Variants in CFAP20DC observed in about 807,000 individuals in gnomAD.
The protein encoded by CFAP20DC is protein CFAP20DC.
CFAP20DC carries 84 observed loss-of-function variants against 101.7 expected under a neutral mutation model. The ratio of observed to expected loss-of-function variants is 0.83; its 90% CI spans 0.69 to 0.99. The LOEUF (loss-of-function observed/expected upper bound fraction) is 0.99. CFAP20DC is among the 50% of genes least tolerant of loss of function. CFAP20DC has a pLI of 0.00. For missense variants in CFAP20DC, 1,007 were observed against 970.3 expected (o/e 1.04, Z -0.50); for synonymous variants, 359 against 351.2 (o/e 1.02, Z -0.25).
chr3:58,845,162 C>A (rs2077509017), intron 13 of CFAP20DC, among the ~76,000 whole-genome samples: 1 of 151,000 alleles, frequency 6.6e-6, no homozygotes, highest in African/African-American at 2.4e-5. Flanking sequence ...TAACTAAAAT[C>A]AGAGCAGAAC....
intron 3 of CFAP20DC, among the ~76,000 whole-genome samples, chr3:58,735,821 T>C (rs754385135): frequency 6.6e-6 from 1 of 152,200 alleles, no homozygotes; most frequent in Non-Finnish European, 1.5e-5. Context: ...CAAACAGTGA[T>C]GTCCCTTATA....
intron 15 of CFAP20DC, among the ~76,000 whole-genome samples, chr3:58,781,785 G>A: frequency 6.6e-6 from 1 of 152,038 alleles, no homozygotes; most frequent in Admixed American, 6.6e-5. Flanking sequence ...GACTGAATCA[G>A]TAATAAAAAG....
chr3:58,769,678 C>T (rs1214926413), intron 15 of CFAP20DC, among the ~76,000 whole-genome samples: 1 of 152,108 alleles, frequency 6.6e-6, no homozygotes, highest in South Asian at 2.1e-4. Context: ...TTACGCTTGC[C>T]AGACATGTCT....
At chr3:58,954,201 G>A (rs2090421227) in intron 4 of CFAP20DC, among the ~76,000 whole-genome samples, 1 of 152,034 alleles carries the variant, frequency 6.6e-6, no homozygotes, top group South Asian at 2.1e-4. Context: ...TTCCACAATG[G>A]CAGCTCCATG....
At chr3:58,885,407 C>G (rs1392169603) in intron 6 of CFAP20DC, among the ~76,000 whole-genome samples, 1 of 152,046 alleles carries the variant, frequency 6.6e-6, no homozygotes, top group Non-Finnish European at 1.5e-5. Flanking sequence ...TTTACATACA[C>G]ATAATATATG....
rs370937950 is a variant in CFAP20DC at position 59,002,023 on chromosome 3, C to T, written c.278+37534G>A. On this transcript the variant is annotated intron_variant, in intron 4 of 16. Coordinates refer to ENST00000482387, the MANE Select transcript of CFAP20DC (RefSeq NM_001394063.1). The surrounding 1 kb of genome is among the most constrained non-coding windows in gnomAD (Gnocchi z 4.5). ...TAATACCGGGTATATACTAAAATGC[C>T]GTGTGGTTGGCCACCATCTTAATCG... is the stretch of plus-strand genomic sequence containing the variant. Among the ~76,000 whole-genome samples, 3 of 152,068 alleles carry T rather than the reference C, an allele frequency of 2.0e-5. No homozygotes were observed. The highest frequency in any genetic ancestry group is 2.1e-4 in the South Asian group (1 of 4,826).
At chr3:58,780,712 G>A (rs1370910256) in intron 15 of CFAP20DC, among the ~76,000 whole-genome samples, 1 of 151,892 alleles carries the variant, frequency 6.6e-6, no homozygotes, top group Admixed American at 6.6e-5. Context: ...ATTATGTAAT[G>A]ACAAAAGTAA....
intron 4 of CFAP20DC, among the ~76,000 whole-genome samples, chr3:58,949,901 G>C (rs1336019809): frequency 6.6e-6 from 1 of 152,112 alleles, no homozygotes; most frequent in Non-Finnish European, 1.5e-5. Flanking sequence ...ATTCAACATA[G>C]TGTTGGAAGT....
At chr3:58,856,661 G>C (rs1346744034) in intron 12 of CFAP20DC, among the ~76,000 whole-genome samples, 3 of 152,202 alleles carry the variant, frequency 2.0e-5, no homozygotes, top group African/African-American at 7.2e-5. Context: ...CTAGGTAATA[G>C]AGTGGTGACT....
chr3:59,009,842 A>T (rs548417036), intron 4 of CFAP20DC, among the ~76,000 whole-genome samples: 2 of 152,300 alleles, frequency 1.3e-5, no homozygotes, highest in East Asian at 3.9e-4. Context: ...GGTAATCTAT[A>T]AAGGAAAACC....
chr3:58,985,778 T>C (rs1388257437), intron 4 of CFAP20DC, among the ~76,000 whole-genome samples: 2 of 152,234 alleles, frequency 1.3e-5, no homozygotes, highest in East Asian at 1.9e-4. Context: ...AGCAATTATA[T>C]ATACTTCTGT....
At chr3:58,961,257 A>C (rs541229730) in intron 4 of CFAP20DC, among the ~76,000 whole-genome samples, 4 of 152,308 alleles carry the variant, frequency 2.6e-5, no homozygotes. Context: ...CTCATAATGA[A>C]TAAAACTGTG....
chr3:58,753,702 A>G, intron 16 of CFAP20DC, 67 bp downstream of exon 16: 1 of 1,062,132 alleles, frequency 9.4e-7, no homozygotes, highest in Non-Finnish European at 1.4e-6. Context: ...TCTCAAAGTG[A>G]TGGATTCTCT....
intron 15 of CFAP20DC, among the ~76,000 whole-genome samples, chr3:58,775,130 A>T (rs747818737): frequency 6.6e-6 from 1 of 152,196 alleles, no homozygotes; most frequent in African/African-American, 2.4e-5. Context: ...GGTTTTATAC[A>T]TTTTAAGGAG....
intron 13 of CFAP20DC, among the ~76,000 whole-genome samples, chr3:58,835,513 G>A (rs1366627791): frequency 1.3e-5 from 2 of 152,186 alleles, no homozygotes; most frequent in African/African-American, 2.4e-5. Flanking sequence ...AATTTATTCT[G>A]TAGAAACTTA....
At chr3:58,841,626 A>C (rs932432364) in intron 13 of CFAP20DC, among the ~76,000 whole-genome samples, 2 of 152,226 alleles carry the variant, frequency 1.3e-5, no homozygotes, top group Non-Finnish European at 2.9e-5. Flanking sequence ...CTATGGCCTA[A>C]AATATATTCA....
intron 12 of CFAP20DC, among the ~76,000 whole-genome samples, chr3:58,860,632 G>A (rs1045382083): frequency 4.6e-5 from 7 of 152,260 alleles, no homozygotes; most frequent in South Asian, 4.1e-4. Flanking sequence ...ATTTCTAGGT[G>A]AAAACTTGAA....
intron 4 of CFAP20DC, among the ~76,000 whole-genome samples, chr3:58,976,301 T>C (rs1245198952): frequency 6.6e-6 from 1 of 152,144 alleles, no homozygotes; most frequent in Non-Finnish European, 1.5e-5. Flanking sequence ...GGTGGGGAAA[T>C]AGCAGAGGAG....
At chr3:58,763,647 T>C (rs2069917896) in intron 15 of CFAP20DC, among the ~76,000 whole-genome samples, 1 of 152,192 alleles carries the variant, frequency 6.6e-6, no homozygotes, top group South Asian at 2.1e-4. Flanking sequence ...TTCTGTTCTG[T>C]TTTTTCCCCA....
Sources: gnomAD v4.1 joint callset for allele counts (sites outside exome capture counted in the v4.1 genomes callset) on GRCh38, gnomAD v4.1.1 for gene constraint, Gnocchi (gnomAD v3.1) non-coding constraint, MANE v1.5 for transcripts, NCBI Gene and HGNC (gene_info 2026-07-23, HGNC 2026-07-21) for gene names.